Variants in NF1 observed in about 807,000 individuals in gnomAD.
The protein encoded by NF1 is neurofibromin.
Under a neutral mutation model 325.7 loss-of-function variants are expected in NF1, and 122 were observed. The observed-to-expected ratio is 0.37, with a 90% CI of 0.32 to 0.44. The LOEUF (loss-of-function observed/expected upper bound fraction) is 0.44, where lower values mean the gene tolerates loss of function less well. NF1 is among the 20% of genes least tolerant of loss of function. The pLI is 1.00. For synonymous variants in NF1, 1,091 were observed against 1,186.0 expected (o/e 0.92, Z 1.65); for missense variants, 2,140 against 3,415.4 (o/e 0.63, Z 9.31).
At chr17:31,248,954 TG>T in intron 29 of NF1, 29 bp from the exon 30 acceptor site, 1 of 1,611,298 alleles carries the variant, frequency 6.2e-7, no homozygotes, top group Non-Finnish European at 8.5e-7. Flanking sequence ...TAAACAAAAG[TG>T]TTAGGATTTT....
chr17:31,187,996 G>C (rs940435044), intron 8 of NF1, among the ~76,000 whole-genome samples: 1 of 152,222 alleles, frequency 6.6e-6, no homozygotes, highest in Non-Finnish European at 1.5e-5. Context: ...GTAAAGAAGA[G>C]TATGCATGGA....
chr17:31,169,925 G>A lies in NF1; in HGVS notation c.514G>A (p.Val172Ile), dbSNP rs1555607083. ...ATTAACTGTTTGTTCAGAAGACAAT[G>A]TTGATGTTCATGATATAGAATTGTT... is the stretch of plus-strand genomic sequence containing the variant. ...QELTVCSEDN[V>I]DVHDIELLQY... Residue 172 changes from valine to isoleucine, a missense_variant, in exon 5 of 58, where the codon GTT becomes ATT. Coordinates refer to ENST00000358273, the MANE Select transcript of NF1 (RefSeq NM_001042492.3). The A allele has an allele frequency of 1.9e-6, 3 of 1,562,980 alleles. No individual in the cohort carries two copies. Among genetic ancestry groups the A allele is most frequent in the Non-Finnish European group, 2.6e-6 (3 of 1,148,670 alleles).
chr17:31,239,665 T>C (rs2067261614), intron 29 of NF1, among the ~76,000 whole-genome samples: 1 of 152,212 alleles, frequency 6.6e-6, no homozygotes, highest in African/African-American at 2.4e-5. Flanking sequence ...AGTAGGTGTT[T>C]ATATTTATGG....
intron 11 of NF1, among the ~76,000 whole-genome samples, chr17:31,204,681 A>C (rs1192541450): frequency 6.6e-6 from 1 of 152,174 alleles, no homozygotes; most frequent in African/African-American, 2.4e-5. Flanking sequence ...AAAAGCTATT[A>C]AAAAAAGACA....
At chr17:31,142,869 A>G (rs1160654402) in intron 1 of NF1, among the ~76,000 whole-genome samples, 1 of 149,924 alleles carries the variant, frequency 6.7e-6, no homozygotes, top group Non-Finnish European at 1.5e-5. Flanking sequence ...TCTGTCTCAA[A>G]AAAAAAAAAA....
At chr17:31,171,435 T>C (rs1241868831) in intron 5 of NF1, among the ~76,000 whole-genome samples, 1 of 152,200 alleles carries the variant, frequency 6.6e-6, no homozygotes, top group Non-Finnish European at 1.5e-5. Flanking sequence ...GATTTTATGA[T>C]TTTTCATAAC....
intron 33 of NF1, among the ~76,000 whole-genome samples, chr17:31,259,877 G>A (rs1188123690): frequency 6.6e-6 from 1 of 152,110 alleles, no homozygotes; most frequent in Non-Finnish European, 1.5e-5. Context: ...AGTTGTTACT[G>A]ACTTTTTTTC....
At chr17:31,103,490 C>T (rs1465042951) in intron 1 of NF1, among the ~76,000 whole-genome samples, 1 of 152,088 alleles carries the variant, frequency 6.6e-6, no homozygotes, top group African/African-American at 2.4e-5. Context: ...GGTGATCCGC[C>T]CGCTTCAGCC....
intron 8 of NF1, among the ~76,000 whole-genome samples, chr17:31,191,215 T>C (rs1273011638): frequency 1.3e-5 from 2 of 152,216 alleles, no homozygotes; most frequent in Admixed American, 6.5e-5. Flanking sequence ...TATTAATCCA[T>C]AGATACAAAT....
intron 1 of NF1, among the ~76,000 whole-genome samples, chr17:31,102,330 A>G (rs1448046086): frequency 2.8e-5 from 4 of 144,054 alleles, no homozygotes; most frequent in Non-Finnish European, 4.6e-5. Context: ...TATAAGATTT[A>G]TATGTTTTCT....
chr17:31,196,350 TA>T lies in NF1; in HGVS notation c.889-4065del, dbSNP rs200374551. 6.8e-3 allele frequency among the ~76,000 whole-genome samples: 1,041 copies of T among 152,192 alleles called. 17 individuals are homozygous for T. Among genetic ancestry groups the T allele is most frequent in the African/African-American group, 0.023 (974 of 41,564 alleles). ...GCTTGGTTCATCTATTTTCAGTTTT[TA>T]AAAAAACTGTAAAGTATTTGTAAGG... On this transcript the variant is annotated intron_variant, in intron 8 of 57. Coordinates refer to ENST00000358273, the MANE Select transcript of NF1 (RefSeq NM_001042492.3).
In NF1 at chr17:31,334,893, A is replaced by C; in HGVS notation, c.5868A>C (p.Leu1956=). The C allele has an allele frequency of 6.2e-7, 1 of 1,614,006 alleles. No individual in the cohort carries two copies. The highest frequency in any genetic ancestry group is 8.5e-7 in the Non-Finnish European group (1 of 1,179,994). The change falls in exon 40 of 58, where the codon CTA becomes CTC. Residue 1956 remains leucine, a synonymous_variant. Coordinates refer to ENST00000358273, the MANE Select transcript of NF1 (RefSeq NM_001042492.3). ...LEYMTPWLSN[L]VRFCKHNDDA... ...ACATGACTCCATGGCTGTCAAATCT[A>C]GTTCGTTTTTGCAAGCATAATGATG...
chr17:31,129,351 A>G (rs76687537), intron 1 of NF1, among the ~76,000 whole-genome samples: 4,352 of 149,950 alleles, frequency 0.029, 104 homozygotes, highest in Non-Finnish European at 0.044. Flanking sequence ...TTTTGTCTTT[A>G]TTCTTGTCTG....
At chr17:31,251,863 G>A (rs2067499955) in intron 30 of NF1, 1 of 216,538 alleles carries the variant, frequency 4.6e-6, no homozygotes, top group African/African-American at 2.3e-5. Flanking sequence ...TGGGTGGGTG[G>A]ATGAATGGAT....
intron 36 of NF1, chr17:31,318,116 A>C (rs2069072466): frequency 1.5e-6 from 1 of 647,374 alleles, no homozygotes; most frequent in Non-Finnish European, 2.4e-6. Context: ...ATTCAGTGTC[A>C]AAACAAAAGT....
rs1135402863 is a variant in NF1 at position 31,260,458 on chromosome 17, T to C, written c.4520T>C (p.Leu1507Ser). Residue 1507 changes from leucine to serine, a missense_variant, in exon 34 of 58, where the codon TTA becomes TCA. Around this residue, in one of 10 missense-constraint regions of NF1, gnomAD observed 336 missense variants for 399.0 expected, o/e 0.84. Coordinates refer to ENST00000358273, the MANE Select transcript of NF1 (RefSeq NM_001042492.3). ...ATAAGTGACGGCAATGTGCTTGCTT[T>C]ACATCGTCTACTCTGGAACAATCAG... Reference protein sequence around the residue: ...SFISDGNVLALHRLLWNNQEK... With the variant: ...SFISDGNVLASHRLLWNNQEK... The C allele has an allele frequency of 6.2e-7, 1 of 1,614,082 alleles. No individual in the cohort carries two copies. Among genetic ancestry groups the C allele is most frequent in the Non-Finnish European group, 8.5e-7 (1 of 1,179,984 alleles).
intron 57 of NF1, among the ~76,000 whole-genome samples, chr17:31,371,375 G>GA (rs567678501): frequency 0.013 from 1,931 of 149,598 alleles, 25 homozygotes; most frequent in Non-Finnish European, 0.018. Flanking sequence ...AAGGATATGA[G>GA]AAAAAAAAAT....
At chr17:31,208,858 C>T (rs1281471492) in intron 12 of NF1, among the ~76,000 whole-genome samples, 1 of 151,750 alleles carries the variant, frequency 6.6e-6, no homozygotes, top group Non-Finnish European at 1.5e-5. Flanking sequence ...GCCATTGCAC[C>T]CCAGTGTGGA....
chr17:31,118,114 A>G (rs1914112383), intron 1 of NF1, among the ~76,000 whole-genome samples: 1 of 152,178 alleles, frequency 6.6e-6, no homozygotes, highest in Admixed American at 6.5e-5. Context: ...TTAGTGTTTT[A>G]TTAAATTTTG....
Sources: gnomAD v4.1 joint callset for allele counts (sites outside exome capture counted in the v4.1 genomes callset) on GRCh38, gnomAD v4.1.1 for gene constraint, gnomAD v4.1.1 regional missense constraint, MANE v1.5 for transcripts, NCBI Gene and HGNC (gene_info 2026-07-23, HGNC 2026-07-21) for gene names.